The following BCAS3 variants were observed in gnomAD, a reference collection of about 807,000 sequenced individuals.
The protein encoded by BCAS3 is BCAS4/BCAS3 fusion.
A neutral mutation model predicts 116.1 loss-of-function variants in BCAS3; 53 were observed. The observed-to-expected ratio is 0.46, with a 90% confidence interval of 0.37 to 0.57. The LOEUF (loss-of-function observed/expected upper bound fraction) is 0.57. Ranked by LOEUF, BCAS3 falls within the 20% of genes least tolerant of loss-of-function variation. The probability of loss-of-function intolerance (pLI) is 0.00; values close to 1 mark genes in which losing one functional copy is unlikely to be tolerated. For synonymous variants in BCAS3, 391 were observed against 408.2 expected, an observed-to-expected ratio of 0.96 and a Z score of 0.51; for missense variants, 917 against 1,165.4, an observed-to-expected ratio of 0.79 and a Z score of 3.10.
chr17:61,207,111 A>G (rs2081189086), intron 22 of BCAS3, among the ~76,000 whole-genome samples: 1 of 151,724 alleles, frequency 6.6e-6, no homozygotes, highest in African/African-American at 2.4e-5. Flanking sequence ...CTTCACATGA[A>G]CTCTTGCAGT....
In BCAS3 at chr17:61,131,752, T is replaced by A. The variant is rs1294546253; in HGVS notation, c.2425+47188T>A. Among the ~76,000 whole-genome samples, 1 of 152,186 alleles carries A rather than the reference T, an allele frequency of 6.6e-6. No homozygotes were observed. The highest frequency in any genetic ancestry group is 6.5e-5 in the Admixed American group (1 of 15,286). ...CAGACCAGAGCTGCCCCTTAGGGGC[T>A]GAGCAGAAACACTCATGAAGGAGCC... On this transcript the variant is annotated intron_variant, in intron 22 of 23. Transcript: ENST00000407086. This position sits in a 1 kb window ranked among gnomAD's most constrained non-coding sequence, Gnocchi z 4.4.
At position 61,087,853 on chromosome 17, in the gene BCAS3, A is replaced by T. The variant is rs148088214; in HGVS notation, c.2425+3289A>T. The stretch of plus-strand genomic sequence containing the variant: ...TGCTTGATGAGTAGATGTTATTCCC[A>T]TAACATCTGTCTCATCTTGTCTTTG... On this transcript the variant is annotated intron_variant, in intron 22 of 23. Coordinates refer to ENST00000407086, the MANE Select transcript of BCAS3 (RefSeq NM_017679.5). This position sits in a 1 kb window ranked among gnomAD's most constrained non-coding sequence, Gnocchi z 4.6. Among the ~76,000 whole-genome samples the T allele has an allele frequency of 1.3e-5, 2 of 152,108 alleles. No homozygotes were observed. Among genetic ancestry groups the T allele is most frequent in the African/African-American group, 4.8e-5 (2 of 41,400 alleles).
At chr17:60,811,229 GCAGAGGGA>G (rs2048784348) in intron 7 of BCAS3, 1 of 845,658 alleles carries the variant, frequency 1.2e-6, no homozygotes, top group Non-Finnish European at 1.9e-6. Context: ...CACAGACCCT[GCAGAGGGA>G]CAGCGCCAGG....
intron 9 of BCAS3, among the ~76,000 whole-genome samples, chr17:60,878,336 T>C (rs73320631): frequency 0.04 from 6,074 of 152,196 alleles, 455 homozygotes; most frequent in African/African-American, 0.14. Context: ...AAAGATGTTC[T>C]TAATTTTAAT....
chr17:60,699,730 C>T (rs548533992), intron 4 of BCAS3, among the ~76,000 whole-genome samples: 12 of 151,964 alleles, frequency 7.9e-5, no homozygotes, highest in Admixed American at 2.0e-4. Context: ...GTCATTAATA[C>T]GGGAGATGGA....
chr17:60,983,366 C>T (rs1045050407), intron 14 of BCAS3, among the ~76,000 whole-genome samples: 6 of 151,906 alleles, frequency 3.9e-5, no homozygotes, highest in Admixed American at 6.6e-5. Flanking sequence ...TCTGAAAAAC[C>T]GTCCAGCTAG....
At chr17:61,242,142 G>A (rs998704249) in intron 22 of BCAS3, among the ~76,000 whole-genome samples, 3 of 152,150 alleles carry the variant, frequency 2.0e-5, no homozygotes, top group African/African-American at 7.2e-5. Flanking sequence ...TGGGCGTGGT[G>A]GCGCATGCCA....
In BCAS3 at chr17:61,337,538, A is replaced by G. The variant is rs1267663739; in HGVS notation, c.2426-30789A>G. On this transcript the variant is annotated intron_variant, in intron 22 of 23. Coordinates refer to ENST00000407086, the MANE Select transcript of BCAS3 (RefSeq NM_017679.5). This position sits in a 1 kb window ranked among gnomAD's most constrained non-coding sequence, Gnocchi z 4.8. ...AATGCTCCCAGGGATCCTCCTGCCAAGATCCTGCCAGGCTTCCCTCGCCTT... is the reference window on the plus strand; with the variant it reads ...AATGCTCCCAGGGATCCTCCTGCCAGGATCCTGCCAGGCTTCCCTCGCCTT... Among the ~76,000 whole-genome samples the G allele has an allele frequency of 6.6e-6, 1 of 152,212 alleles. No homozygotes were observed. The highest frequency in any genetic ancestry group is 2.4e-5 in the African/African-American group (1 of 41,458).
In BCAS3 at chr17:61,315,147, G is replaced by A. The variant is rs553759829; in HGVS notation, c.2426-53180G>A. Among the ~76,000 whole-genome samples the A allele has an allele frequency of 2.6e-5, 4 of 151,968 alleles. No homozygotes were observed. Among genetic ancestry groups the A allele is most frequent in the Admixed American group, 6.6e-5 (1 of 15,260 alleles). The stretch of plus-strand genomic sequence containing the variant: ...TCTTTTTTTCGCGAGACAGATTCTC[G>A]CTCTGTCACCTAGGCTGGAGTGCAG... On this transcript the variant is annotated intron_variant, in intron 22 of 23. Transcript: ENST00000407086. This position sits in a 1 kb window ranked among gnomAD's most constrained non-coding sequence, Gnocchi z 5.3.
intron 22 of BCAS3, among the ~76,000 whole-genome samples, chr17:61,280,361 A>G (rs1202811043): frequency 6.6e-6 from 1 of 152,198 alleles, no homozygotes; most frequent in Non-Finnish European, 1.5e-5. Context: ...CACCTCAAAG[A>G]CAGTTATTGT....
In BCAS3 at chr17:61,325,829, G is replaced by A. The variant is rs2143042396; in HGVS notation, c.2426-42498G>A. Among the ~76,000 whole-genome samples the A allele has an allele frequency of 6.6e-6, 1 of 152,218 alleles. No individual in the cohort carries two copies. The highest frequency in any genetic ancestry group is 2.4e-5 in the African/African-American group (1 of 41,536). On this transcript the variant is annotated intron_variant, in intron 22 of 23. Transcript: ENST00000407086. This position sits in a 1 kb window ranked among gnomAD's most constrained non-coding sequence, Gnocchi z 6.4. ...TTGGTGGCAAGATAAACAGGATAGG[G>A]TGGTCCCTGGGGACAGTCATCTGGG...
intron 15 of BCAS3, among the ~76,000 whole-genome samples, chr17:61,009,544 A>G (rs2064965279): frequency 6.6e-6 from 1 of 152,040 alleles, no homozygotes; most frequent in Non-Finnish European, 1.5e-5. Context: ...ATGTTATTTT[A>G]ACTGATTTTA....
In BCAS3 at chr17:61,155,982, T is replaced by C. The variant is rs1487417867; in HGVS notation, c.2425+71418T>C. On this transcript the variant is annotated intron_variant, in intron 22 of 23. Transcript: ENST00000407086. ...ATTTTTAAGCTCTAAGTTATACTCT[T>C]ATTTCAGAATTGAGTTTTACTTTTC... 2.0e-5 allele frequency among the ~76,000 whole-genome samples: 3 copies of C among 152,160 alleles called. No homozygotes were observed. The East Asian group carries it at 5.8e-4, about 29-fold the overall frequency.
intron 20 of BCAS3, among the ~76,000 whole-genome samples, chr17:61,076,385 G>A (rs1323203555): frequency 6.6e-6 from 1 of 152,180 alleles, no homozygotes; most frequent in African/African-American, 2.4e-5. Context: ...ATCAAGCAGT[G>A]TCTAGGTAAC....
At chr17:60,821,487 A>G (rs1162959889) in intron 7 of BCAS3, among the ~76,000 whole-genome samples, 6 of 152,134 alleles carry the variant, frequency 3.9e-5, no homozygotes, top group Non-Finnish European at 7.4e-5. Context: ...AAGTTTCCTC[A>G]TGTCTCTTTG....
At chr17:61,115,499 A>G (rs1029816873) in intron 22 of BCAS3, among the ~76,000 whole-genome samples, 1 of 139,538 alleles carries the variant, frequency 7.2e-6, no homozygotes, top group African/African-American at 2.6e-5. Context: ...AATGCTCATC[A>G]TCACTGGCCA....
intron 4 of BCAS3, among the ~76,000 whole-genome samples, chr17:60,694,171 C>G (rs2035264416): frequency 6.7e-6 from 1 of 149,708 alleles, no homozygotes; most frequent in African/African-American, 2.5e-5. Context: ...CAGGCGTGAG[C>G]CACCGCGCCC....
At chr17:61,321,166 A>G (rs1384429810) in intron 22 of BCAS3, among the ~76,000 whole-genome samples, 1 of 152,110 alleles carries the variant, frequency 6.6e-6, no homozygotes, top group Non-Finnish European at 1.5e-5. Flanking sequence ...CTAAAAATAT[A>G]TCTCCAGCTT....
In BCAS3 at chr17:61,037,747, GA is replaced by G. The variant is rs1465307612; in HGVS notation, c.1763-135del. On this transcript the variant is annotated intron_variant, in intron 17 of 23. Transcript: ENST00000407086. This position sits in a 1 kb window ranked among gnomAD's most constrained non-coding sequence, Gnocchi z 4.7. The stretch of plus-strand genomic sequence containing the variant: ...AGCAAAACTCCATCTCCAAAAAAAA[GA>G]AAAAAAGAAAAAAATTCCTGTCTTT... 1.2e-6 allele frequency: 1 copy of G among 842,554 alleles called. No homozygotes were observed. The highest frequency in any genetic ancestry group is 1.8e-5 in the African/African-American group (1 of 57,064). 52.2% of individuals were successfully genotyped at this position (842,554 alleles called of 1,614,324 possible).
Sources: allele counts gnomAD v4.1 joint callset (sites outside exome capture counted in the v4.1 genomes callset), GRCh38; gene constraint gnomAD v4.1.1; non-coding constraint Gnocchi (gnomAD v3.1); transcripts MANE v1.5; gene names NCBI Gene and HGNC (gene_info 2026-07-23, HGNC 2026-07-21).